Variants in SYT17 observed in about 807,000 individuals in gnomAD.
The protein encoded by SYT17 is synaptotagmin-17.
In SYT17, 22 loss-of-function variants were observed where a neutral mutation model predicts 46.7. The ratio of observed to expected loss-of-function variants is 0.47; its 90% CI spans 0.34 to 0.67. The LOEUF is 0.67. Among genes scored for constraint, SYT17 ranks in the 30% least tolerant of loss-of-function variants. The pLI, the probability that SYT17 is intolerant of heterozygous loss-of-function variation, is 0.01. For synonymous variants in SYT17, 251 were observed against 248.4 expected, an observed-to-expected ratio of 1.01 and a Z score of -0.10; for missense variants, 519 against 612.8, an observed-to-expected ratio of 0.85 and a Z score of 1.62.
At chr16:19,182,793 A>G (rs1249924610) in intron 4 of SYT17, among the ~76,000 whole-genome samples, 4 of 152,222 alleles carry the variant, frequency 2.6e-5, no homozygotes, top group Admixed American at 2.6e-4. Context: ...GTAAGCGGTG[A>G]GGTTTGAATA....
chr16:19,267,815 G>A lies in SYT17; in HGVS notation c.*739G>A, dbSNP rs1036301761. The stretch of plus-strand genomic sequence containing the variant: ...CACGTGTGTGCCTATGTGTCCTCTT[G>A]GAGAGCATGGCGATGGGCCAGGACC... On this transcript the variant is annotated 3_prime_UTR_variant, in exon 8 of 8. Coordinates refer to ENST00000355377, the MANE Select transcript of SYT17 (RefSeq NM_016524.4). 13 of 152,210 alleles carry A rather than the reference G, an allele frequency of 8.5e-5. No homozygotes were observed. The highest frequency in any genetic ancestry group is 3.1e-4 in the African/African-American group (13 of 41,426). The allele number at this position is 152,210 out of a possible 1,614,324, so 9.4% of individuals were successfully genotyped here. A position where few individuals can be genotyped will look rare whatever the true frequency, so the allele number is the denominator to read the frequency against.
At chr16:19,249,811 T>C (rs1047433265) in intron 7 of SYT17, 2 of 905,660 alleles carry the variant, frequency 2.2e-6, no homozygotes, top group African/African-American at 1.7e-5. Context: ...TTTCTGGCCA[T>C]GCATGGTCTG....
chr16:19,172,887 C>G, intron 2 of SYT17, 110 bp downstream of exon 2: 1 of 1,349,998 alleles, frequency 7.4e-7, no homozygotes, highest in Non-Finnish European at 1.0e-6. Flanking sequence ...CAACAATAAC[C>G]TGGTGTTAAT....
intron 5 of SYT17, among the ~76,000 whole-genome samples, chr16:19,202,086 C>T (rs1567210118): frequency 6.6e-6 from 1 of 152,006 alleles, no homozygotes; most frequent in East Asian, 1.9e-4. Flanking sequence ...CTCTGGACAC[C>T]AACTTGGTGT....
At chr16:19,178,754 G>A (rs1262280430) in intron 3 of SYT17, among the ~76,000 whole-genome samples, 1 of 152,150 alleles carries the variant, frequency 6.6e-6, no homozygotes, top group African/African-American at 2.4e-5. Context: ...TAAATCTACA[G>A]CCATTATGGC....
chr16:19,228,788 G>A (rs1400563035), intron 7 of SYT17, among the ~76,000 whole-genome samples: 1 of 152,104 alleles, frequency 6.6e-6, no homozygotes, highest in East Asian at 1.9e-4. Context: ...TGCTTTATTT[G>A]TCCACTGAGA....
intron 7 of SYT17, among the ~76,000 whole-genome samples, chr16:19,252,841 C>T (rs1968286999): frequency 6.6e-6 from 1 of 151,938 alleles, no homozygotes; most frequent in South Asian, 2.1e-4. Context: ...TCCCCTCCCC[C>T]ATCACTATAG....
At chr16:19,232,215 T>C (rs1395171691) in intron 7 of SYT17, among the ~76,000 whole-genome samples, 1 of 152,076 alleles carries the variant, frequency 6.6e-6, no homozygotes. Flanking sequence ...TAATAACCAG[T>C]GCAGGACAGC....
chr16:19,223,549 C>T (rs1305782364), intron 6 of SYT17, among the ~76,000 whole-genome samples: 2 of 152,226 alleles, frequency 1.3e-5, no homozygotes, highest in African/African-American at 2.4e-5. Flanking sequence ...AATTCCAACT[C>T]TGAAAAGACT....
At chr16:19,222,296 CT>C (rs36041003) in intron 5 of SYT17, among the ~76,000 whole-genome samples, 19 of 150,228 alleles carry the variant, frequency 1.3e-4, no homozygotes, top group African/African-American at 4.2e-4. Context: ...TTCTACAATA[CT>C]TTTTTTTTTA....
At chr16:19,238,973 T>G (rs903897149) in intron 7 of SYT17, among the ~76,000 whole-genome samples, 5 of 152,200 alleles carry the variant, frequency 3.3e-5, no homozygotes, top group Non-Finnish European at 7.3e-5. Flanking sequence ...GCAGAATGCT[T>G]AACTTTTAAA....
intron 4 of SYT17, among the ~76,000 whole-genome samples, chr16:19,181,099 T>C (rs913226525): frequency 5.9e-5 from 9 of 152,172 alleles, no homozygotes; most frequent in African/African-American, 9.7e-5. Context: ...CTGTATGGGA[T>C]TGGGGGCTCC....
rs532420590 is a variant in SYT17 at position 19,195,333 on chromosome 16, C to T, written c.951+11186C>T. Among the ~76,000 whole-genome samples, 5 of 152,300 alleles carry T rather than the reference C, an allele frequency of 3.3e-5. No individual in the cohort carries two copies. The South Asian group carries it at 6.2e-4, about 19-fold the overall frequency. On this transcript the variant is annotated intron_variant, in intron 5 of 7. Transcript: ENST00000355377. Reference sequence around the variant, plus strand: ...GGCTGTACTCTCAGCCAGTCTCCTCCATGGCACTGCTTCTTTCATTTATTT... The same window carrying T: ...GGCTGTACTCTCAGCCAGTCTCCTCTATGGCACTGCTTCTTTCATTTATTT...
At chr16:19,231,443 T>G (rs1163019396) in intron 7 of SYT17, among the ~76,000 whole-genome samples, 7 of 130,774 alleles carry the variant, frequency 5.4e-5, no homozygotes, top group Non-Finnish European at 6.2e-5. Context: ...TGGTGGCGGG[T>G]GCCTGTTATC....
chr16:19,218,704 C>A (rs2142843133), intron 5 of SYT17, among the ~76,000 whole-genome samples: 1 of 152,298 alleles, frequency 6.6e-6, no homozygotes, highest in African/African-American at 2.4e-5. Flanking sequence ...CTCACCACCT[C>A]CTTCCAGTTC....
chr16:19,252,158 T>TCAAAA (rs563439382), intron 7 of SYT17, among the ~76,000 whole-genome samples: 2,251 of 146,924 alleles, frequency 0.015, 63 homozygotes, highest in African/African-American at 0.055. Flanking sequence ...CAAAACTGTC[T>TCAAAA]CAAAACAAAA....
intron 4 of SYT17, among the ~76,000 whole-genome samples, chr16:19,182,499 T>C (rs1400495125): frequency 1.3e-5 from 2 of 152,246 alleles, no homozygotes; most frequent in Non-Finnish European, 1.5e-5. Flanking sequence ...TTAAGTTACA[T>C]GTGTGGCTTG....
At chr16:19,266,515 A>G (rs1179621932) in intron 7 of SYT17, among the ~76,000 whole-genome samples, 1 of 152,194 alleles carries the variant, frequency 6.6e-6, no homozygotes, top group African/African-American at 2.4e-5. Context: ...AGAACTATCC[A>G]CTTACAGAGC....
chr16:19,196,857 C>CT (rs1194012045), intron 5 of SYT17, among the ~76,000 whole-genome samples: 38 of 151,934 alleles, frequency 2.5e-4, no homozygotes, highest in Admixed American at 2.4e-3. Flanking sequence ...TTCTCTGGGA[C>CT]TTTTTTTTAA....
Sources: gnomAD v4.1 joint callset for allele counts (sites outside exome capture counted in the v4.1 genomes callset) on GRCh38, gnomAD v4.1.1 for gene constraint, MANE v1.5 for transcripts, NCBI Gene and HGNC (gene_info 2026-07-23, HGNC 2026-07-21) for gene names.